The following PLCE1 variants were observed in gnomAD, a reference collection of about 807,000 sequenced individuals.
The protein encoded by PLCE1 is 1-phosphatidylinositol 4,5-bisphosphate phosphodiesterase epsilon-1.
PLCE1 carries 119 observed loss-of-function variants against 242.8 expected under a neutral mutation model. That is an observed-to-expected ratio of 0.49 (90% confidence interval 0.42 to 0.57). PLCE1 has a LOEUF of 0.57. Among genes scored for constraint, PLCE1 ranks in the 20% least tolerant of loss-of-function variants. The pLI, the probability that PLCE1 is intolerant of heterozygous loss-of-function variation, is 0.00. For synonymous variants in PLCE1, 945 were observed against 1,017.4 expected (o/e 0.93, Z 1.35); for missense variants, 2,441 against 2,788.8 (o/e 0.88, Z 2.81).
chr10:94,245,724 T>A (rs1564823654), intron 7 of PLCE1, among the ~76,000 whole-genome samples: 1 of 152,206 alleles, frequency 6.6e-6, no homozygotes, highest in African/African-American at 2.4e-5. Context: ...TGGACTCAAG[T>A]GGTCCACCCT....
At chr10:94,016,096 G>A (rs1333075185) in intron 1 of PLCE1, among the ~76,000 whole-genome samples, 4 of 152,082 alleles carry the variant, frequency 2.6e-5, no homozygotes, top group African/African-American at 7.2e-5. Context: ...GTGTGGCTTC[G>A]GAGGGGCAAG....
At chr10:94,111,629 G>A (rs940129820) in intron 2 of PLCE1, among the ~76,000 whole-genome samples, 1 of 150,910 alleles carries the variant, frequency 6.6e-6, no homozygotes, top group African/African-American at 2.4e-5. Context: ...ACTGTGAAGG[G>A]CCGTGGGTCT....
rs527381680 is a variant in PLCE1, at chr10:94,009,159, G to T, written c.-365+14901G>T. Among the ~76,000 whole-genome samples, 4 of 152,258 alleles carry T rather than the reference G, an allele frequency of 2.6e-5. No individual in the cohort carries two copies. In the East Asian group the frequency reaches 5.8e-4, roughly 22 times the overall value. Reference sequence around the variant, plus strand: ...AAACATGGTACTGGCATGTGCTTCTGGGGAGGGCCTCAGGAAGCTTACAAT... The same window carrying T: ...AAACATGGTACTGGCATGTGCTTCTTGGGAGGGCCTCAGGAAGCTTACAAT... On this transcript the variant is annotated intron_variant, in intron 1 of 32. Transcript: ENST00000371380.
chr10:94,112,075 A>G (rs1187588391), intron 2 of PLCE1, among the ~76,000 whole-genome samples: 2 of 152,188 alleles, frequency 1.3e-5, no homozygotes, highest in Non-Finnish European at 2.9e-5. Context: ...GAGGTCATCT[A>G]TAAAGTTTCT....
chr10:94,316,387 T>C lies in PLCE1; in HGVS notation c.6133-160T>C, dbSNP rs182512301. On this transcript the variant is annotated intron_variant, in intron 28 of 32. Transcript: ENST00000371380. Reference sequence around the variant, plus strand: ...CGGAGTGAACATAAACAATCCATTCTGAACATAAGAGAATTCTTAGATCTT... The same window carrying C: ...CGGAGTGAACATAAACAATCCATTCCGAACATAAGAGAATTCTTAGATCTT... 3.5e-4 allele frequency among the ~76,000 whole-genome samples: 54 copies of C among 152,320 alleles called. No individual in the cohort carries two copies. In the East Asian group the frequency reaches 0.01, roughly 29 times the overall value.
In PLCE1 at chr10:93,994,166, C is replaced by T. The variant is rs1161066927; in HGVS notation, c.-457C>T. On this transcript the variant is annotated 5_prime_UTR_variant, in exon 1 of 33. Transcript: ENST00000371380. ...TGCAGCTGACACACAGTAGCGGGGA[C>T]ACCCGACGCCGCTAGCGACAGGCGC... Among the ~76,000 whole-genome samples the T allele has an allele frequency of 6.6e-6, 1 of 152,156 alleles. No individual in the cohort carries two copies. Among genetic ancestry groups the T allele is most frequent in the Non-Finnish European group, 1.5e-5 (1 of 68,012 alleles).
intron 2 of PLCE1, among the ~76,000 whole-genome samples, chr10:94,084,079 A>G (rs978793627): frequency 6.6e-6 from 1 of 152,200 alleles, no homozygotes; most frequent in Non-Finnish European, 1.5e-5. Flanking sequence ...GCTAAAACAT[A>G]CAATCCTTTA....
chr10:94,198,026 G>A (rs2136710083), intron 4 of PLCE1, among the ~76,000 whole-genome samples: 1 of 131,724 alleles, frequency 7.6e-6, no homozygotes, highest in Admixed American at 7.6e-5. Context: ...GAACATGAAA[G>A]AGCTGATGAT....
chr10:94,193,252 T>A (rs2048722932), intron 4 of PLCE1, among the ~76,000 whole-genome samples: 1 of 152,116 alleles, frequency 6.6e-6, no homozygotes, highest in East Asian at 1.9e-4. Context: ...GCCAACACAA[T>A]AGCCTGCAGG....
intron 4 of PLCE1, among the ~76,000 whole-genome samples, chr10:94,191,455 G>T (rs1301787367): frequency 1.3e-5 from 2 of 152,042 alleles, no homozygotes; most frequent in East Asian, 3.9e-4. Flanking sequence ...GAGCCTGGGC[G>T]ACATAGCGAG....
chr10:94,236,172 T>C, intron 7 of PLCE1, 52 bp downstream of exon 7: 1 of 1,473,522 alleles, frequency 6.8e-7, no homozygotes, highest in Non-Finnish European at 9.4e-7. Flanking sequence ...TTTTTTCCTG[T>C]TGATGAGTTG....
intron 2 of PLCE1, among the ~76,000 whole-genome samples, chr10:94,036,456 G>A (rs2061665763): frequency 6.6e-6 from 1 of 151,926 alleles, no homozygotes; most frequent in Admixed American, 6.6e-5. Flanking sequence ...GGATACCTTG[G>A]TCAGAATGAC....
intron 2 of PLCE1, among the ~76,000 whole-genome samples, chr10:94,087,682 A>AGGG (rs2044884589): frequency 6.6e-6 from 1 of 152,156 alleles, no homozygotes; most frequent in African/African-American, 2.4e-5. Context: ...ACCTCAAGCC[A>AGGG]TCCTCCCACT....
intron 22 of PLCE1, among the ~76,000 whole-genome samples, chr10:94,290,818 A>C (rs1299077400): frequency 1.3e-5 from 2 of 152,202 alleles, no homozygotes; most frequent in East Asian, 3.8e-4. Flanking sequence ...TATTATTACC[A>C]AGTATGTTCT....
At chr10:94,234,367 A>G (rs1158225612) in intron 6 of PLCE1, 55 bp downstream of exon 6, 11 of 1,571,128 alleles carry the variant, frequency 7.0e-6, no homozygotes, top group African/African-American at 2.7e-5. Flanking sequence ...TGGCTGTCTC[A>G]TCAGGCCCTG....
chr10:94,022,814 A>C (rs1421385853), intron 1 of PLCE1, among the ~76,000 whole-genome samples: 1 of 152,162 alleles, frequency 6.6e-6, no homozygotes, highest in Admixed American at 6.5e-5. Flanking sequence ...TCAGTTTCAG[A>C]GACTGGAAGC....
intron 2 of PLCE1, among the ~76,000 whole-genome samples, chr10:94,091,997 T>C (rs2045091887): frequency 6.6e-6 from 1 of 152,078 alleles, no homozygotes; most frequent in Non-Finnish European, 1.5e-5. Flanking sequence ...AGAAATACCA[T>C]AGAAGGTACA....
chr10:94,071,472 C>CTGTG (rs796168542), intron 2 of PLCE1, among the ~76,000 whole-genome samples: 1 of 132,252 alleles, frequency 7.6e-6, no homozygotes, highest in Non-Finnish European at 1.6e-5. Flanking sequence ...CGGGTTTTGT[C>CTGTG]TGTGTGTGTG....
intron 2 of PLCE1, among the ~76,000 whole-genome samples, chr10:94,057,558 C>A (rs2043941114): frequency 1.3e-5 from 2 of 152,096 alleles, no homozygotes; most frequent in African/African-American, 4.8e-5. Flanking sequence ...TATTTAATAT[C>A]CTTGATACTT....
Sources: allele counts gnomAD v4.1 joint callset (sites outside exome capture counted in the v4.1 genomes callset), GRCh38; gene constraint gnomAD v4.1.1; transcripts MANE v1.5; gene names NCBI Gene and HGNC (gene_info 2026-07-23, HGNC 2026-07-21).